The following RPS6KA2 variants were observed in gnomAD, a reference collection of about 807,000 sequenced individuals.
The protein encoded by RPS6KA2 is ribosomal protein S6 kinase alpha-2.
A neutral mutation model predicts 91.8 loss-of-function variants in RPS6KA2; 42 were observed. That is an observed-to-expected ratio of 0.46 (90% CI 0.36 to 0.59). The LOEUF (loss-of-function observed/expected upper bound fraction) is 0.59. Among genes scored for constraint, RPS6KA2 ranks in the 20% least tolerant of loss-of-function variants. The pLI is 0.00. For synonymous variants in RPS6KA2, 414 were observed against 393.6 expected, an observed-to-expected ratio of 1.05 and a Z score of -0.61; for missense variants, 798 against 978.5, an observed-to-expected ratio of 0.82 and a Z score of 2.46.
chr6:166,754,328 G>A (rs1048953534), intron 2 of RPS6KA2, among the ~76,000 whole-genome samples: 1 of 152,208 alleles, frequency 6.6e-6, no homozygotes, highest in Non-Finnish European at 1.5e-5. Flanking sequence ...AAGAGAGGGG[G>A]CCAAGCCCTG....
At chr6:166,611,876 C>A (rs74469546) in intron 1 of RPS6KA2, among the ~76,000 whole-genome samples, 2,397 of 152,308 alleles carry the variant, frequency 0.016, 65 homozygotes, top group African/African-American at 0.055. Context: ...ATTCTCAACC[C>A]TGAGCTCATC....
chr6:166,508,387 G>C lies in RPS6KA2; in HGVS notation c.380-105C>G, dbSNP rs1354784573. The C allele has an allele frequency of 9.5e-6, 7 of 739,478 alleles. No individual in the cohort carries two copies. The Admixed American group carries it at 1.3e-4, about 14-fold the overall frequency. The allele number at this position is 739,478 out of a possible 1,614,324, so 45.8% of individuals were successfully genotyped here. On this transcript the variant is annotated intron_variant, in intron 4 of 20. Transcript: ENST00000265678. This position sits in a 1 kb window ranked among gnomAD's most constrained non-coding sequence, Gnocchi z 4.3. ...ACGGTGCTGCTTACTCCGGGAGGCT[G>C]AGTCACTTGAGAAACGGCAGGACCC... is the stretch of plus-strand genomic sequence containing the variant.
intron 2 of RPS6KA2, among the ~76,000 whole-genome samples, chr6:166,652,088 C>T (rs1787871162): frequency 6.6e-6 from 1 of 152,250 alleles, no homozygotes; most frequent in African/African-American, 2.4e-5. Flanking sequence ...GATGAGAATA[C>T]TGTTTTTTGA....
intron 2 of RPS6KA2, among the ~76,000 whole-genome samples, chr6:166,838,225 T>C (rs894835566): frequency 6.6e-6 from 1 of 150,546 alleles, no homozygotes; most frequent in Non-Finnish European, 1.5e-5. Context: ...AATTGAGCTA[T>C]AATTGATTCA....
chr6:166,485,981 G>T (rs917033093), intron 10 of RPS6KA2, among the ~76,000 whole-genome samples: 1 of 152,182 alleles, frequency 6.6e-6, no homozygotes, highest in African/African-American at 2.4e-5. Flanking sequence ...TTCCTGAGCC[G>T]AGTCACTGTG....
intron 2 of RPS6KA2, among the ~76,000 whole-genome samples, chr6:166,679,457 C>A (rs1465819379): frequency 6.6e-6 from 1 of 152,016 alleles, no homozygotes; most frequent in African/African-American, 2.4e-5. Context: ...GAGTGAGACT[C>A]CATCTCAATA....
At position 166,610,373 on chromosome 6, in the gene RPS6KA2, A is replaced by T. The variant is rs1786127199; in HGVS notation, c.99+16548T>A. Reference sequence around the variant, plus strand: ...GAAGCGCAGCAGGAAATTCATGTGAATTTCTGAATTCTGAGAGAACTAGTT... The same window carrying T: ...GAAGCGCAGCAGGAAATTCATGTGATTTTCTGAATTCTGAGAGAACTAGTT... On this transcript the variant is annotated intron_variant, in intron 1 of 20. Transcript: ENST00000265678. Among the ~76,000 whole-genome samples the T allele has an allele frequency of 2.0e-5, 3 of 152,242 alleles. No homozygotes were observed. The South Asian group carries it at 6.2e-4, about 32-fold the overall frequency.
chr6:166,533,938 T>C lies in RPS6KA2; in HGVS notation c.217-2625A>G, dbSNP rs1426188752. ...GTCTAGTAAAAATAAAAATAAAAAT[T>C]AGGGCTGGGTGCGGTGGCTCACGCC... On this transcript the variant is annotated intron_variant, in intron 2 of 20. Transcript: ENST00000265678. This position sits in a 1 kb window ranked among gnomAD's most constrained non-coding sequence, Gnocchi z 4.0. Among the ~76,000 whole-genome samples the C allele has an allele frequency of 6.6e-6, 1 of 151,934 alleles. No individual in the cohort carries two copies. Among genetic ancestry groups the C allele is most frequent in the Non-Finnish European group, 1.5e-5 (1 of 67,984 alleles).
intron 2 of RPS6KA2, among the ~76,000 whole-genome samples, chr6:166,759,280 A>C (rs1049956684): frequency 1.3e-5 from 2 of 152,214 alleles, no homozygotes; most frequent in African/African-American, 4.8e-5. Context: ...CATGCCATAC[A>C]TCTGCCATTA....
intron 20 of RPS6KA2, among the ~76,000 whole-genome samples, chr6:166,413,237 C>G (rs1342095626): frequency 1.3e-5 from 2 of 152,146 alleles, no homozygotes; most frequent in African/African-American, 4.8e-5. Flanking sequence ...TTGGGGCTCG[C>G]TGGGTCCTAG....
At chr6:166,489,966 C>T (rs1238697145) in intron 9 of RPS6KA2, among the ~76,000 whole-genome samples, 2 of 152,096 alleles carry the variant, frequency 1.3e-5, no homozygotes, top group Non-Finnish European at 2.9e-5. Context: ...TAGGGGCTCC[C>T]AGCCTCTCTG....
At position 166,728,965 on chromosome 6, in the gene RPS6KA2, T is replaced by G. The variant is rs1790429532; in HGVS notation, c.123+129235A>C. ...TCAGCATTTACTTGGTGTGCTGCCCTTCACTAGCCAGACAGACCAAAGGAG... is the reference window on the plus strand; with the variant it reads ...TCAGCATTTACTTGGTGTGCTGCCCGTCACTAGCCAGACAGACCAAAGGAG... On this transcript the variant is annotated intron_variant, in intron 2 of 21. Transcript: ENST00000503859. Among the ~76,000 whole-genome samples, 3 of 152,216 alleles carry G rather than the reference T, an allele frequency of 2.0e-5. No homozygotes were observed. The South Asian group carries it at 6.2e-4, about 31-fold the overall frequency.
At chr6:166,454,940 T>C (rs1305650776) in intron 12 of RPS6KA2, among the ~76,000 whole-genome samples, 1 of 150,580 alleles carries the variant, frequency 6.6e-6, no homozygotes, top group Non-Finnish European at 1.5e-5. Context: ...CATTATATAA[T>C]ATGTAAATTT....
intron 3 of RPS6KA2, among the ~76,000 whole-genome samples, chr6:166,515,045 C>T (rs1782599091): frequency 2.0e-5 from 3 of 152,212 alleles, no homozygotes; most frequent in South Asian, 4.1e-4. Flanking sequence ...TGCCCAAGGA[C>T]CACTGGAGGA....
At chr6:166,746,498 C>T (rs80298420) in intron 2 of RPS6KA2, among the ~76,000 whole-genome samples, 2,174 of 152,282 alleles carry the variant, frequency 0.014, 49 homozygotes, top group African/African-American at 0.05. Flanking sequence ...CAGCAGCAAC[C>T]GATCAGTTCT....
intron 2 of RPS6KA2, among the ~76,000 whole-genome samples, chr6:166,654,499 A>G (rs1787949178): frequency 6.6e-6 from 1 of 151,264 alleles, no homozygotes; most frequent in African/African-American, 2.5e-5. Flanking sequence ...CTACACAATC[A>G]CAATATAATT....
At chr6:166,832,637 G>A (rs990535451) in intron 2 of RPS6KA2, among the ~76,000 whole-genome samples, 34 of 152,276 alleles carry the variant, frequency 2.2e-4, no homozygotes, top group African/African-American at 8.2e-4. Context: ...CTGGGAGGTC[G>A]CAGTGCCCCA....
At chr6:166,638,471 C>T (rs780688546) in intron 2 of RPS6KA2, among the ~76,000 whole-genome samples, 2 of 152,154 alleles carry the variant, frequency 1.3e-5, no homozygotes, top group African/African-American at 2.4e-5. Flanking sequence ...AATGGAAAGA[C>T]ATGAATTACA....
intron 10 of RPS6KA2, among the ~76,000 whole-genome samples, chr6:166,486,846 A>C (rs1781428774): frequency 7.9e-6 from 1 of 126,704 alleles, no homozygotes; most frequent in African/African-American, 3.0e-5. Flanking sequence ...ATGTCAGGAG[A>C]CGTTTGATCA....
Sources: allele counts gnomAD v4.1 joint callset (sites outside exome capture counted in the v4.1 genomes callset), GRCh38; gene constraint gnomAD v4.1.1; non-coding constraint Gnocchi (gnomAD v3.1); transcripts MANE v1.5; gene names NCBI Gene and HGNC (gene_info 2026-07-23, HGNC 2026-07-21).